FIGN: variants seen among roughly 807,000 people sequenced by gnomAD.
FIGN encodes fidgetin.
In FIGN, 11 loss-of-function variants were observed where a neutral mutation model predicts 51.3. The observed-to-expected ratio is 0.21, with a 90% CI of 0.13 to 0.35. The LOEUF (loss-of-function observed/expected upper bound fraction) is 0.35. Among genes scored for constraint, FIGN ranks in the 10% least tolerant of loss-of-function variants. The pLI, the probability that FIGN is intolerant of heterozygous loss-of-function variation, is 1.00. For synonymous variants in FIGN, 407 were observed against 363.2 expected, an observed-to-expected ratio of 1.12 and a Z score of -1.37; for missense variants, 857 against 943.6, an observed-to-expected ratio of 0.91 and a Z score of 1.20.
intron 2 of FIGN, among the ~76,000 whole-genome samples, chr2:163,626,233 C>G (rs778019780): frequency 6.6e-6 from 1 of 152,088 alleles, no homozygotes; most frequent in African/African-American, 2.4e-5. Context: ...GCTTTCAGAT[C>G]AAAATGTCTT....
At chr2:163,634,114 G>T (rs6711395) in intron 2 of FIGN, among the ~76,000 whole-genome samples, 35,080 of 151,018 alleles carry the variant, frequency 0.23, 4,344 homozygotes, top group Admixed American at 0.28. Context: ...GTGTGTGTGT[G>T]TGTGTGTGTT....
At chr2:163,647,554 C>G (rs1683401293) in intron 2 of FIGN, among the ~76,000 whole-genome samples, 1 of 152,188 alleles carries the variant, frequency 6.6e-6, no homozygotes, top group Non-Finnish European at 1.5e-5. Flanking sequence ...TCCAGCAGGT[C>G]TACCACCTGG....
chr2:163,697,100 CTTTCT>C (rs1194159304), intron 2 of FIGN, among the ~76,000 whole-genome samples: 16 of 108,388 alleles, frequency 1.5e-4, no homozygotes, highest in African/African-American at 5.2e-4. Flanking sequence ...CTTTTCTTTT[CTTTCT>C]TTTTTTTTTT....
At chr2:163,713,944 C>A (rs1407683260) in intron 2 of FIGN, among the ~76,000 whole-genome samples, 1 of 152,170 alleles carries the variant, frequency 6.6e-6, no homozygotes, top group Non-Finnish European at 1.5e-5. Flanking sequence ...CCGTTACATA[C>A]CATCACAAGC....
intron 2 of FIGN, among the ~76,000 whole-genome samples, chr2:163,718,282 T>G (rs554882636): frequency 6.6e-6 from 1 of 152,162 alleles, no homozygotes; most frequent in Middle Eastern, 3.2e-3. Context: ...ATTTGTTCCA[T>G]TTGCATGATG....
In FIGN at chr2:163,702,741, C is replaced by T. The variant is rs187651150; in HGVS notation, c.25+32162G>A. On this transcript the variant is annotated intron_variant, in intron 2 of 2. Transcript: ENST00000333129. ...TAGCGATTCACTATTTAGCAATTTG[C>T]TATTTTTATTACATTTTAAATCAAT... 6.6e-5 allele frequency among the ~76,000 whole-genome samples: 10 copies of T among 152,250 alleles called. No homozygotes were observed. In the East Asian group the frequency reaches 1.9e-3, roughly 29 times the overall value.
At chr2:163,630,583 A>G (rs568038200) in intron 2 of FIGN, among the ~76,000 whole-genome samples, 1 of 149,550 alleles carries the variant, frequency 6.7e-6, no homozygotes, top group East Asian at 2.0e-4. Flanking sequence ...CAACCTTTCT[A>G]TTGCTATATA....
chr2:163,722,114 C>A (rs1326384416), intron 2 of FIGN, among the ~76,000 whole-genome samples: 1 of 152,168 alleles, frequency 6.6e-6, no homozygotes, highest in Non-Finnish European at 1.5e-5. Flanking sequence ...CCTAAAAGAG[C>A]TATTGGGTGA....
intron 2 of FIGN, among the ~76,000 whole-genome samples, chr2:163,630,842 T>A (rs1278943546): frequency 6.6e-6 from 1 of 152,312 alleles, no homozygotes. Context: ...AAATCCCATT[T>A]CATTTAGAAC....
chr2:163,713,398 T>C (rs1684618541), intron 2 of FIGN, among the ~76,000 whole-genome samples: 1 of 151,976 alleles, frequency 6.6e-6, no homozygotes, highest in Non-Finnish European at 1.5e-5. Flanking sequence ...AACAGCAGTA[T>C]AAAGGATTTT....
intron 2 of FIGN, among the ~76,000 whole-genome samples, chr2:163,725,446 A>T (rs966003755): frequency 2.0e-4 from 30 of 152,216 alleles, no homozygotes; most frequent in African/African-American, 5.5e-4. Context: ...CAATTTTTTT[A>T]AAAATTATGT....
intron 2 of FIGN, among the ~76,000 whole-genome samples, chr2:163,706,945 G>A (rs1028575642): frequency 1.4e-4 from 21 of 152,184 alleles, no homozygotes; most frequent in African/African-American, 3.4e-4. Context: ...TGAATGTCAC[G>A]GCCATTGCAG....
chr2:163,696,200 A>C (rs1684316291), intron 2 of FIGN, among the ~76,000 whole-genome samples: 2 of 152,188 alleles, frequency 1.3e-5, no homozygotes, highest in Admixed American at 6.5e-5. Context: ...AAAAAGAAGA[A>C]GACTGTTAAT....
Position 163,660,796 on chromosome 2 carries a change from TAGATATAC to T in FIGN, c.26-48998_26-48991del, listed in dbSNP as rs1372788786. On this transcript the variant is annotated intron_variant, in intron 2 of 2. Coordinates refer to ENST00000333129, the MANE Select transcript of FIGN (RefSeq NM_018086.4). ...ATACACATATACATATATATGTATA[TAGATATAC>T]ATATATATACATATACATATATATG... is the stretch of plus-strand genomic sequence containing the variant. 6.3e-5 allele frequency among the ~76,000 whole-genome samples: 5 copies of T among 79,460 alleles called. 1 individual carries two copies. Among genetic ancestry groups the T allele is most frequent in the African/African-American group, 2.3e-4 (5 of 21,492 alleles). 52.1% of individuals were successfully genotyped at this position (79,460 alleles called of 152,430 possible).
chr2:163,638,043 G>A (rs958616424), intron 2 of FIGN, among the ~76,000 whole-genome samples: 7 of 152,006 alleles, frequency 4.6e-5, no homozygotes, highest in Non-Finnish European at 8.8e-5. Context: ...CACACCAGGG[G>A]TTTGCTCTTT....
chr2:163,656,582 C>T (rs1205719707), intron 2 of FIGN, among the ~76,000 whole-genome samples: 1 of 152,008 alleles, frequency 6.6e-6, no homozygotes, highest in Non-Finnish European at 1.5e-5. Context: ...TCCACCTCCC[C>T]AATCAGAAAA....
chr2:163,731,838 A>G (rs2105369721), intron 2 of FIGN, among the ~76,000 whole-genome samples: 1 of 152,284 alleles, frequency 6.6e-6, no homozygotes, highest in East Asian at 1.9e-4. Flanking sequence ...ACCCTCTTCC[A>G]GGAAAACAAC....
At chr2:163,678,664 G>C (rs76495714) in intron 2 of FIGN, among the ~76,000 whole-genome samples, 5,193 of 152,146 alleles carry the variant, frequency 0.034, 262 homozygotes, top group African/African-American at 0.11. Context: ...ATAATTTTAA[G>C]ATAAAACAGA....
Position 163,735,055 on chromosome 2 carries a change from G to C in FIGN, c.-128C>G. ...ACTGCCTTGAAACGTGGGCCCTTTC[G>C]TCAGGTATTCATTTAACCTACATGC... On this transcript the variant is annotated 5_prime_UTR_variant, in exon 2 of 3. Transcript: ENST00000333129. The C allele has an allele frequency of 1.2e-6, 1 of 831,894 alleles. No individual in the cohort carries two copies. The highest frequency in any genetic ancestry group is 1.9e-6 in the Non-Finnish European group (1 of 527,302). The allele number at this position is 831,894 out of a possible 1,614,324, so 51.5% of individuals were successfully genotyped here. A position where few individuals can be genotyped will look rare whatever the true frequency, so the allele number is the denominator to read the frequency against.
Sources: allele counts gnomAD v4.1 joint callset (sites outside exome capture counted in the v4.1 genomes callset), GRCh38; gene constraint gnomAD v4.1.1; transcripts MANE v1.5; gene names NCBI Gene and HGNC (gene_info 2026-07-23, HGNC 2026-07-21).